MYO1D: variants seen among roughly 807,000 people sequenced by gnomAD.
MYO1D encodes the protein myosin ID.
In MYO1D, 83 loss-of-function variants were observed where a neutral mutation model predicts 122.0. The ratio of observed to expected loss-of-function variants is 0.68; its 90% CI spans 0.57 to 0.82. The LOEUF is 0.82. MYO1D is among the 40% of genes least tolerant of loss of function. MYO1D has a pLI of 0.00. For missense variants in MYO1D, 1,157 were observed against 1,269.5 expected, an observed-to-expected ratio of 0.91 and a Z score of 1.35; for synonymous variants, 464 against 446.9, an observed-to-expected ratio of 1.04 and a Z score of -0.48.
At chr17:32,535,683 G>A (rs1292383736) in intron 21 of MYO1D, among the ~76,000 whole-genome samples, 4 of 152,172 alleles carry the variant, frequency 2.6e-5, no homozygotes, top group African/African-American at 7.2e-5. Context: ...CCCAGGAAGC[G>A]GAGCTTGCAG....
intron 1 of MYO1D, among the ~76,000 whole-genome samples, chr17:32,807,934 T>C (rs1311688423): frequency 1.3e-5 from 2 of 152,188 alleles, no homozygotes; most frequent in African/African-American, 2.4e-5. Context: ...AGCATAGATA[T>C]GTTATAATTG....
chr17:32,721,681 CA>C (rs1242199765), intron 14 of MYO1D, among the ~76,000 whole-genome samples: 1 of 152,156 alleles, frequency 6.6e-6, no homozygotes, highest in African/African-American at 2.4e-5. Flanking sequence ...AATATTATTG[CA>C]TTAGTTTGCA....
intron 21 of MYO1D, among the ~76,000 whole-genome samples, chr17:32,503,054 T>C (rs1909371258): frequency 6.6e-6 from 1 of 152,220 alleles, no homozygotes; most frequent in Non-Finnish European, 1.5e-5. Flanking sequence ...ATCAAATTAC[T>C]TTCCTTCATT....
At chr17:32,821,757 G>C (rs1047651487) in intron 1 of MYO1D, among the ~76,000 whole-genome samples, 5 of 152,198 alleles carry the variant, frequency 3.3e-5, no homozygotes, top group Non-Finnish European at 7.4e-5. Flanking sequence ...AAAAGTGAAA[G>C]AAAGAGACAA....
chr17:32,862,573 G>A (rs2091087048), intron 1 of MYO1D, among the ~76,000 whole-genome samples: 1 of 152,164 alleles, frequency 6.6e-6, no homozygotes, highest in Non-Finnish European at 1.5e-5. Flanking sequence ...TAACAAGGAG[G>A]GTGGGATTAT....
At chr17:32,701,669 C>T (rs1180698861) in intron 16 of MYO1D, among the ~76,000 whole-genome samples, 3 of 152,148 alleles carry the variant, frequency 2.0e-5, no homozygotes, top group Non-Finnish European at 2.9e-5. Flanking sequence ...CTCAAGTGAT[C>T]TTCCTGCCTC....
Position 32,494,758 on chromosome 17 carries a change from G to T in MYO1D, c.*1C>A. The T allele has an allele frequency of 6.3e-7, 1 of 1,597,628 alleles. No homozygotes were observed. The highest frequency in any genetic ancestry group is 8.5e-7 in the Non-Finnish European group (1 of 1,172,618). The stretch of plus-strand genomic sequence containing the variant: ...GCTCCGGGCCAGGCCTCCGCGGGGC[G>T]TCAGTTCCCGGGCACGCTGAGGATG... On this transcript the variant is annotated 3_prime_UTR_variant, in exon 22 of 22. Transcript: ENST00000318217.
intron 1 of MYO1D, among the ~76,000 whole-genome samples, chr17:32,829,851 A>T (rs2151064880): frequency 6.6e-6 from 1 of 152,312 alleles, no homozygotes; most frequent in Non-Finnish European, 1.5e-5. Context: ...AAAAGTCCCT[A>T]GCATGAGACC....
At chr17:32,717,971 C>A (rs915689158) in intron 15 of MYO1D, among the ~76,000 whole-genome samples, 1 of 152,140 alleles carries the variant, frequency 6.6e-6, no homozygotes, top group African/African-American at 2.4e-5. Context: ...CCTTCTGTTA[C>A]ATGGGTTTTG....
chr17:32,736,276 G>C (rs180929453), intron 14 of MYO1D, among the ~76,000 whole-genome samples: 1 of 152,242 alleles, frequency 6.6e-6, no homozygotes, highest in East Asian at 1.9e-4. Context: ...CTTTAAAACA[G>C]AATTCTTATT....
chr17:32,604,403 T>C (rs146645357), intron 21 of MYO1D, among the ~76,000 whole-genome samples: 1 of 152,248 alleles, frequency 6.6e-6, no homozygotes, highest in African/African-American at 2.4e-5. Context: ...ACCCAAATAC[T>C]CCATGACCCC....
chr17:32,779,785 A>G (rs1168849881), intron 2 of MYO1D, among the ~76,000 whole-genome samples: 1 of 152,152 alleles, frequency 6.6e-6, no homozygotes, highest in African/African-American at 2.4e-5. Context: ...TCTGACCTTT[A>G]ATATTCTTAT....
intron 21 of MYO1D, among the ~76,000 whole-genome samples, chr17:32,561,227 CAA>C (rs1567890579): frequency 1.3e-5 from 2 of 152,058 alleles, no homozygotes; most frequent in African/African-American, 2.4e-5. Context: ...GTGAATCTTT[CAA>C]AGAGAGGTAT....
At chr17:32,513,409 C>T (rs940887579) in intron 21 of MYO1D, among the ~76,000 whole-genome samples, 16 of 152,134 alleles carry the variant, frequency 1.1e-4, no homozygotes, top group African/African-American at 3.9e-4. Flanking sequence ...AGGTTTTGAG[C>T]TCATGTGATG....
At chr17:32,857,028 T>C (rs1380997585) in intron 1 of MYO1D, among the ~76,000 whole-genome samples, 2 of 152,246 alleles carry the variant, frequency 1.3e-5, no homozygotes, top group Non-Finnish European at 2.9e-5. Context: ...TCAGTCTGGC[T>C]TCAAATTCAA....
At chr17:32,612,682 C>CAAAAAAA (rs1262090966) in intron 20 of MYO1D, among the ~76,000 whole-genome samples, 3 of 23,558 alleles carry the variant, frequency 1.3e-4, no homozygotes, top group Non-Finnish European at 2.8e-4. Flanking sequence ...AGACCCATCT[C>CAAAAAAA]AAAAAAAAAA....
intron 1 of MYO1D, among the ~76,000 whole-genome samples, chr17:32,866,761 G>A (rs1567678259): frequency 6.6e-6 from 1 of 152,204 alleles, no homozygotes; most frequent in Non-Finnish European, 1.5e-5. Flanking sequence ...CTGGCTAGCA[G>A]CACAGCCAGC....
intron 1 of MYO1D, among the ~76,000 whole-genome samples, chr17:32,865,441 G>A (rs1168835724): frequency 6.6e-6 from 1 of 152,100 alleles, no homozygotes; most frequent in Non-Finnish European, 1.5e-5. Flanking sequence ...AAGTGGTAAT[G>A]GGTTTTTTCC....
In MYO1D at chr17:32,794,453, C is replaced by T. The variant is rs1163633553; in HGVS notation, c.96-13669G>A. Among the ~76,000 whole-genome samples the T allele has an allele frequency of 2.6e-5, 4 of 152,018 alleles. No individual in the cohort carries two copies. The East Asian group carries it at 7.7e-4, about 29-fold the overall frequency. On this transcript the variant is annotated intron_variant, in intron 1 of 21. Transcript: ENST00000318217. ...AACACAATTCTTTTATTTATTATGG[C>T]ATGCCTAATTTTAAATGTTATTGAT...
Sources: gnomAD v4.1 joint callset for allele counts (sites outside exome capture counted in the v4.1 genomes callset) on GRCh38, gnomAD v4.1.1 for gene constraint, MANE v1.5 for transcripts, NCBI Gene and HGNC (gene_info 2026-07-23, HGNC 2026-07-21) for gene names.